SUCLA2: variants seen among roughly 807,000 people sequenced by gnomAD.
SUCLA2 encodes the protein succinate-CoA ligase ADP-forming subunit beta, also known as succinate--CoA ligase [ADP-forming] subunit beta, mitochondrial.
SUCLA2 carries 30 observed loss-of-function variants against 54.8 expected under a neutral mutation model. The observed-to-expected ratio is 0.55, with a 90% CI of 0.41 to 0.74. The LOEUF is 0.74. Among genes scored for constraint, SUCLA2 ranks in the 30% least tolerant of loss-of-function variants. SUCLA2 has a pLI of 0.00. For synonymous variants in SUCLA2, 172 were observed against 188.9 expected (o/e 0.91, Z 0.74); for missense variants, 476 against 562.9 (o/e 0.85, Z 1.56).
intron 4 of SUCLA2, among the ~76,000 whole-genome samples, chr13:47,984,814 A>T (rs971799925): frequency 4.6e-5 from 7 of 152,014 alleles, no homozygotes; most frequent in East Asian, 3.9e-4. Flanking sequence ...ATGTGTATTT[A>T]AAAAAAATCA....
chr13:47,965,690 GA>G, intron 6 of SUCLA2: 1 of 398,366 alleles, frequency 2.5e-6, no homozygotes, highest in East Asian at 3.6e-5. Flanking sequence ...GGCTACATTT[GA>G]ATATGTATTA....
Position 47,994,366 on chromosome 13 carries a change from G to A in SUCLA2, c.271+2477C>T, listed in dbSNP as rs192482423. On this transcript the variant is annotated intron_variant, in intron 2 of 10. Transcript: ENST00000646932. ...GGGTGGATCACAAGGTCAGGGGTTC[G>A]AGACCAGCCTGACCAACATGGTGAA... is the stretch of plus-strand genomic sequence containing the variant. Among the ~76,000 whole-genome samples the A allele has an allele frequency of 5.6e-3, 850 of 151,886 alleles. 5 individuals are homozygous for A. The highest frequency in any genetic ancestry group is 0.019 in the African/African-American group (781 of 41,420).
intron 10 of SUCLA2, among the ~76,000 whole-genome samples, chr13:47,947,853 T>G (rs1949745171): frequency 6.6e-6 from 1 of 152,144 alleles, no homozygotes; most frequent in Non-Finnish European, 1.5e-5. Context: ...TCAACCTGGA[T>G]TTTTCAACAA....
chr13:47,949,077 G>C lies in SUCLA2; in HGVS notation c.1229-49C>G, dbSNP rs148549993. ...AAATGTTTTAAATACACACACAAAAGCATTTTAAAATGTTTGCCAAAACAT... is the reference window on the plus strand; with the variant it reads ...AAATGTTTTAAATACACACACAAAACCATTTTAAAATGTTTGCCAAAACAT... On this transcript the variant is annotated intron_variant, in intron 9 of 10. Coordinates refer to ENST00000646932, the MANE Select transcript of SUCLA2 (RefSeq NM_003850.3). The C allele has an allele frequency of 2.3e-3, 3,635 of 1,570,640 alleles. 37 individuals are homozygous for C. The African/African-American group carries it at 0.03, about 13-fold the overall frequency.
intron 1 of SUCLA2, 106 bp from the exon 2 acceptor site, chr13:47,997,129 A>C (rs1244245928): frequency 8.6e-7 from 1 of 1,168,148 alleles, no homozygotes. Context: ...TTACATTAGC[A>C]AAGTACAATA....
chr13:47,980,245 T>C (rs968897345), intron 4 of SUCLA2, among the ~76,000 whole-genome samples: 1 of 151,926 alleles, frequency 6.6e-6, no homozygotes, highest in Non-Finnish European at 1.5e-5. Context: ...TGAAACTCCA[T>C]CTCCACTAAA....
chr13:47,964,624 A>G lies in SUCLA2; in HGVS notation c.802+3971T>C, dbSNP rs555110447. Among the ~76,000 whole-genome samples the G allele has an allele frequency of 4.8e-4, 73 of 152,198 alleles. No homozygotes were observed. In the East Asian group the frequency reaches 7.9e-3, roughly 17 times the overall value. ...TGTAATCCCAGCACTTTGGGAGGCC[A>G]AGGCGGGCGGATCACAAGGCCAGGA... On this transcript the variant is annotated intron_variant, in intron 6 of 10. Coordinates refer to ENST00000646932, the MANE Select transcript of SUCLA2 (RefSeq NM_003850.3).
At chr13:47,973,919 T>A (rs1455856939) in intron 4 of SUCLA2, among the ~76,000 whole-genome samples, 2 of 151,846 alleles carry the variant, frequency 1.3e-5, no homozygotes, top group Non-Finnish European at 2.9e-5. Context: ...GAGGGGAACA[T>A]CACATACCAG....
chr13:47,960,227 G>A (rs879705873), intron 6 of SUCLA2, among the ~76,000 whole-genome samples: 2 of 151,972 alleles, frequency 1.3e-5, no homozygotes, highest in Non-Finnish European at 2.9e-5. Context: ...ATATAAAACC[G>A]TAAACTTTTT....
chr13:47,996,803 T>C (rs1286434107), intron 2 of SUCLA2, 40 bp downstream of exon 2: 1 of 1,603,456 alleles, frequency 6.2e-7, no homozygotes, highest in South Asian at 1.1e-5. Flanking sequence ...TTCTCAGAGC[T>C]CTCATGTCAA....
rs748752339 is a variant in SUCLA2, at chr13:47,943,324, T to G, written c.*47A>C. The G allele has an allele frequency of 2.8e-5, 43 of 1,543,626 alleles. No homozygotes were observed. The highest frequency in any genetic ancestry group is 1.5e-4 in the South Asian group (13 of 89,558). The stretch of plus-strand genomic sequence containing the variant: ...ATAACACAGAACACAGTATTCTTAA[T>G]GATTATAGCACATTTAACACCTTCA... On this transcript the variant is annotated 3_prime_UTR_variant, in exon 11 of 11. Transcript: ENST00000646932.
Position 47,996,917 on chromosome 13 carries a change from T to C in SUCLA2, c.197A>G (p.Glu66Gly), listed in dbSNP as rs1382806595. The C allele has an allele frequency of 1.9e-6, 3 of 1,613,934 alleles. No homozygotes were observed. Among genetic ancestry groups the C allele is most frequent in the Non-Finnish European group, 2.5e-6 (3 of 1,179,970 alleles). Residue 66 changes from glutamate (E) to glycine (G), a missense_variant, in exon 2 of 11, where the codon GAA becomes GGA. Coordinates refer to ENST00000646932, the MANE Select transcript of SUCLA2 (RefSeq NM_003850.3). ...TCCTTTGGGAACGGAGACACCAGCT[T>C]CTTGCAATAATTCCATACTCATGTA... ...HEYMSMELLQEAGVSVPKGYV... is the reference protein window; with the variant it reads ...HEYMSMELLQGAGVSVPKGYV...
intron 8 of SUCLA2, among the ~76,000 whole-genome samples, chr13:47,950,749 T>C (rs1011212079): frequency 6.6e-6 from 1 of 152,104 alleles, no homozygotes; most frequent in Non-Finnish European, 1.5e-5. Flanking sequence ...AAAATATCAT[T>C]CCCCTCAATT....
intron 6 of SUCLA2, among the ~76,000 whole-genome samples, chr13:47,957,089 C>T (rs941131830): frequency 2.6e-4 from 40 of 152,146 alleles, no homozygotes; most frequent in African/African-American, 9.2e-4. Flanking sequence ...ACCAGATCAC[C>T]ACATCCAGAC....
rs558525995 is a variant in SUCLA2, at chr13:47,942,899, G to C, written c.*472C>G. 1 of 160,138 alleles carries C rather than the reference G, an allele frequency of 6.2e-6. No individual in the cohort carries two copies. Among genetic ancestry groups the C allele is most frequent in the Admixed American group, 6.0e-5 (1 of 16,580 alleles). The allele number at this position is 160,138 out of a possible 1,614,324, so 9.9% of individuals were successfully genotyped here. ...TGTTTGAAAGCTCTGTTTATAAATAGTGATTGATACATTTATCATGTATTT... is the reference window on the plus strand; with the variant it reads ...TGTTTGAAAGCTCTGTTTATAAATACTGATTGATACATTTATCATGTATTT... On this transcript the variant is annotated 3_prime_UTR_variant, in exon 11 of 11. Coordinates refer to ENST00000646932, the MANE Select transcript of SUCLA2 (RefSeq NM_003850.3).
At chr13:47,949,137 C>G in intron 9 of SUCLA2, 109 bp from the exon 10 acceptor site, 1 of 1,079,070 alleles carries the variant, frequency 9.3e-7, no homozygotes, top group Non-Finnish European at 1.4e-6. Context: ...AGGAGACTTC[C>G]ATTATTTAGT....
intron 10 of SUCLA2, among the ~76,000 whole-genome samples, chr13:47,945,555 T>C (rs185973330): frequency 2.4e-4 from 37 of 151,912 alleles, no homozygotes; most frequent in African/African-American, 7.7e-4. Flanking sequence ...TCTCTCTGTA[T>C]CTACTATGAA....
chr13:47,974,525 T>G (rs1467601833), intron 4 of SUCLA2, among the ~76,000 whole-genome samples: 4 of 152,096 alleles, frequency 2.6e-5, no homozygotes, highest in African/African-American at 9.7e-5. Context: ...AGATCAAGGC[T>G]GCAGTCAGCT....
chr13:47,970,628 G>A lies in SUCLA2; in HGVS notation c.664-1895C>T, dbSNP rs968968553. ...TGTAATCCCAGCACTTTGGAAGGCC[G>A]AGGTGGGCAGATCATGAAGTTAGGA... is the stretch of plus-strand genomic sequence containing the variant. On this transcript the variant is annotated intron_variant, in intron 5 of 10. Transcript: ENST00000646932. Among the ~76,000 whole-genome samples the A allele has an allele frequency of 8.5e-5, 13 of 152,074 alleles. No individual in the cohort carries two copies. The South Asian group carries it at 1.2e-3, about 15-fold the overall frequency.
Sources: gnomAD v4.1 joint callset for allele counts (sites outside exome capture counted in the v4.1 genomes callset) on GRCh38, gnomAD v4.1.1 for gene constraint, MANE v1.5 for transcripts, NCBI Gene and HGNC (gene_info 2026-07-23, HGNC 2026-07-21) for gene names.